CTNNA3: variants seen among roughly 807,000 people sequenced by gnomAD.
CTNNA3 encodes catenin alpha-3.
Under a neutral mutation model 95.7 loss-of-function variants are expected in CTNNA3, and 76 were observed. That is an observed-to-expected ratio of 0.79 (90% confidence interval 0.66 to 0.96). The LOEUF is 0.96. CTNNA3 is among the 40% of genes least tolerant of loss of function. CTNNA3 has a pLI of 0.00. For missense variants in CTNNA3, 1,191 were observed against 1,089.8 expected, an observed-to-expected ratio of 1.09 and a Z score of -1.31; for synonymous variants, 431 against 374.4, an observed-to-expected ratio of 1.15 and a Z score of -1.74.
chr10:66,415,569 C>G (rs1487771153), intron 11 of CTNNA3, among the ~76,000 whole-genome samples: 2 of 152,120 alleles, frequency 1.3e-5, no homozygotes, highest in African/African-American at 4.8e-5. Flanking sequence ...AATTGGCCCA[C>G]CTGTATGACA....
At chr10:66,262,110 G>A (rs1340559814) in intron 13 of CTNNA3, among the ~76,000 whole-genome samples, 1 of 151,972 alleles carries the variant, frequency 6.6e-6, no homozygotes, top group Non-Finnish European at 1.5e-5. Context: ...AAAGTACACT[G>A]AATTTGGAGT....
chr10:66,023,171 A>G (rs1054565506), intron 15 of CTNNA3, among the ~76,000 whole-genome samples: 1 of 152,220 alleles, frequency 6.6e-6, no homozygotes, highest in Non-Finnish European at 1.5e-5. Context: ...AAAGCCTTTC[A>G]CTACCTATTT....
chr10:66,509,621 G>C (rs947759852), intron 11 of CTNNA3, among the ~76,000 whole-genome samples: 8 of 151,790 alleles, frequency 5.3e-5, no homozygotes, highest in African/African-American at 1.9e-4. Context: ...GTTGAAGAGG[G>C]TGTCATTTTT....
At position 66,911,301 on chromosome 10, in the gene CTNNA3, G is replaced by C. The variant is rs181041165; in HGVS notation, c.1048-135777C>G. 2.0e-5 allele frequency among the ~76,000 whole-genome samples: 3 copies of C among 152,268 alleles called. No individual in the cohort carries two copies. In the East Asian group the frequency reaches 5.8e-4, roughly 29 times the overall value. The stretch of plus-strand genomic sequence containing the variant: ...TTCAAGTTAATAAAAAATTTGTATA[G>C]TTCCCAATATTAGTAAGGATTACTT... On this transcript the variant is annotated intron_variant, in intron 7 of 17. Transcript: ENST00000433211.
At chr10:66,015,704 T>C (rs2079081965) in intron 15 of CTNNA3, among the ~76,000 whole-genome samples, 1 of 152,170 alleles carries the variant, frequency 6.6e-6, no homozygotes, top group Non-Finnish European at 1.5e-5. Context: ...TTGCCAACTT[T>C]TTCATTACCT....
chr10:66,877,661 G>C (rs1044329845), intron 7 of CTNNA3, among the ~76,000 whole-genome samples: 2 of 152,014 alleles, frequency 1.3e-5, no homozygotes, highest in African/African-American at 4.8e-5. Flanking sequence ...TTCCTGCTTC[G>C]GGCCTCATGA....
intron 7 of CTNNA3, chr10:67,098,069 C>A: frequency 2.3e-6 from 1 of 426,196 alleles, no homozygotes; most frequent in Non-Finnish European, 4.3e-6. Flanking sequence ...AAAACTCATC[C>A]TACCTACCTG....
At chr10:66,596,272 G>C (rs976218627) in intron 10 of CTNNA3, among the ~76,000 whole-genome samples, 1 of 152,028 alleles carries the variant, frequency 6.6e-6, no homozygotes, top group Non-Finnish European at 1.5e-5. Flanking sequence ...GACCCCTGTG[G>C]ACTCCCCCAG....
chr10:67,205,032 T>G (rs1376169515), intron 6 of CTNNA3, among the ~76,000 whole-genome samples: 1 of 152,218 alleles, frequency 6.6e-6, no homozygotes, highest in South Asian at 2.1e-4. Flanking sequence ...GGTAATTGTT[T>G]ATGTCTACAC....
intron 15 of CTNNA3, among the ~76,000 whole-genome samples, chr10:66,011,404 C>T (rs1220608419): frequency 6.6e-6 from 1 of 152,104 alleles, no homozygotes; most frequent in Non-Finnish European, 1.5e-5. Flanking sequence ...ACACTTGTTA[C>T]TCTTACATGT....
In CTNNA3 at chr10:66,329,175, C is replaced by T. The variant is rs377000119; in HGVS notation, c.1733-48554G>A. Among the ~76,000 whole-genome samples the T allele has an allele frequency of 4.4e-4, 67 of 151,364 alleles. 1 individual carries two copies. The South Asian group carries it at 0.014, about 31-fold the overall frequency. ...CATATCGGCCAGGCTGGTATCGAAC[C>T]CCTGACCTCAGGTGATACACCCACC... On this transcript the variant is annotated intron_variant, in intron 12 of 17. Coordinates refer to ENST00000433211, the MANE Select transcript of CTNNA3 (RefSeq NM_013266.4).
chr10:66,486,162 A>T (rs531383045), intron 11 of CTNNA3, among the ~76,000 whole-genome samples: 46 of 152,356 alleles, frequency 3.0e-4, no homozygotes, highest in African/African-American at 1.1e-3. Flanking sequence ...TTTTTCAGAT[A>T]TAACCCCAAA....
At chr10:66,951,773 C>T (rs1202248226) in intron 7 of CTNNA3, among the ~76,000 whole-genome samples, 3 of 152,132 alleles carry the variant, frequency 2.0e-5, no homozygotes, top group Admixed American at 2.0e-4. Context: ...ACATTTAATA[C>T]TACACTGGGA....
In CTNNA3 at chr10:67,741,166, G is replaced by T. The variant is rs373059279; in HGVS notation, c.-2+22268C>A. On this transcript the variant is annotated intron_variant, in intron 1 of 17. Coordinates refer to the CTNNA3 transcript ENST00000684154. ...ACACTCTGGGGACTGTTGTGGCATG[G>T]GGAGAGGGGGGAGAGATAGCATTGG... Among the ~76,000 whole-genome samples, 136 of 150,948 alleles carry T rather than the reference G, an allele frequency of 9.0e-4. 2 individuals are homozygous for T. In the East Asian group the frequency reaches 0.019, roughly 21 times the overall value.
At chr10:66,663,600 C>T (rs4746621) in intron 9 of CTNNA3, among the ~76,000 whole-genome samples, 99,023 of 151,426 alleles carry the variant, frequency 0.65, 33,168 homozygotes, top group East Asian at 0.95. Flanking sequence ...CTCCAGTTTG[C>T]TGCCTTTCTC....
chr10:67,073,610 A>C (rs1482054171), intron 7 of CTNNA3, among the ~76,000 whole-genome samples: 1 of 152,176 alleles, frequency 6.6e-6, no homozygotes, highest in African/African-American at 2.4e-5. Flanking sequence ...AGAGATACAA[A>C]ATAAAGAGGA....
chr10:67,113,213 C>T (rs1368199617), intron 7 of CTNNA3, among the ~76,000 whole-genome samples: 1 of 152,010 alleles, frequency 6.6e-6, no homozygotes, highest in Non-Finnish European at 1.5e-5. Flanking sequence ...GGAAATAAAC[C>T]AGAGATACTA....
chr10:66,426,591 A>G (rs930877705), intron 11 of CTNNA3, among the ~76,000 whole-genome samples: 7 of 152,044 alleles, frequency 4.6e-5, no homozygotes, highest in Non-Finnish European at 4.4e-5. Context: ...TTTGTTCTTA[A>G]GAAGTTAAAA....
chr10:66,876,643 AT>A (rs918164107), intron 7 of CTNNA3, among the ~76,000 whole-genome samples: 3 of 151,642 alleles, frequency 2.0e-5, no homozygotes, highest in Non-Finnish European at 4.4e-5. Context: ...CCTTATTAGA[AT>A]TTTTTTTTAA....
Sources: allele counts gnomAD v4.1 joint callset (sites outside exome capture counted in the v4.1 genomes callset), GRCh38; gene constraint gnomAD v4.1.1; transcripts MANE v1.5; gene names NCBI Gene and HGNC (gene_info 2026-07-23, HGNC 2026-07-21).